Variants in ERBB4 observed in about 807,000 individuals in gnomAD.
ERBB4 encodes receptor tyrosine-protein kinase erbB-4.
ERBB4 carries 42 observed loss-of-function variants against 158.0 expected under a neutral mutation model. The ratio of observed to expected loss-of-function variants is 0.27; its 90% CI spans 0.21 to 0.34. The LOEUF (loss-of-function observed/expected upper bound fraction) is 0.34. Among genes scored for constraint, ERBB4 ranks in the 10% least tolerant of loss-of-function variants. ERBB4 has a pLI of 1.00. For synonymous variants in ERBB4, 583 were observed against 558.7 expected (o/e 1.04, Z -0.61); for missense variants, 1,333 against 1,624.1 (o/e 0.82, Z 3.08).
chr2:212,264,036 T>C (rs1017799378), intron 1 of ERBB4, among the ~76,000 whole-genome samples: 4 of 152,136 alleles, frequency 2.6e-5, no homozygotes, highest in African/African-American at 9.7e-5. Context: ...CCTGGAATAG[T>C]GCTGGAAATC....
At chr2:211,514,267 G>A (rs978462862) in intron 20 of ERBB4, among the ~76,000 whole-genome samples, 1 of 152,056 alleles carries the variant, frequency 6.6e-6, no homozygotes, top group African/African-American at 2.4e-5. Flanking sequence ...TTCTAAATAT[G>A]AAACCTATCT....
intron 3 of ERBB4, among the ~76,000 whole-genome samples, chr2:211,934,828 G>A (rs2165098): frequency 0.54 from 81,153 of 150,212 alleles, 22,635 homozygotes; most frequent in Non-Finnish European, 0.62. Flanking sequence ...ACTTTTCAAT[G>A]TAAGAAATAA....
chr2:212,030,476 T>A (rs1298084793), intron 2 of ERBB4, among the ~76,000 whole-genome samples: 1 of 152,154 alleles, frequency 6.6e-6, no homozygotes, highest in Non-Finnish European at 1.5e-5. Context: ...AGAGACAATG[T>A]TGTCTTAGTT....
chr2:212,301,859 T>C (rs2086636414), intron 1 of ERBB4, among the ~76,000 whole-genome samples: 1 of 151,332 alleles, frequency 6.6e-6, no homozygotes, highest in African/African-American at 2.4e-5. Flanking sequence ...TAACATCACA[T>C]CTTATTTTTT....
chr2:211,383,602 A>C lies in ERBB4; in HGVS notation c.*13T>G. ...GCAGGTGTGTCTCTCCACCTAAAAA[A>C]CCACAACTGAGCTTACACCACAGTA... On this transcript the variant is annotated 3_prime_UTR_variant, in exon 28 of 28. Transcript: ENST00000342788. The C allele has an allele frequency of 1.9e-6, 3 of 1,611,234 alleles. No individual in the cohort carries two copies. Among genetic ancestry groups the C allele is most frequent in the Non-Finnish European group, 2.5e-6 (3 of 1,179,000 alleles).
intron 1 of ERBB4, among the ~76,000 whole-genome samples, chr2:212,195,414 T>C (rs2082396196): frequency 6.6e-6 from 1 of 152,058 alleles, no homozygotes; most frequent in Non-Finnish European, 1.5e-5. Context: ...GTGTATCACA[T>C]AACAAGTTAG....
chr2:212,326,608 T>C (rs1174991776), intron 1 of ERBB4, among the ~76,000 whole-genome samples: 2 of 150,760 alleles, frequency 1.3e-5, no homozygotes, highest in African/African-American at 2.4e-5. Context: ...TTAATTTCTA[T>C]AGAAATGCTA....
intron 19 of ERBB4, among the ~76,000 whole-genome samples, chr2:211,610,450 T>C (rs908409543): frequency 3.9e-5 from 6 of 152,168 alleles, no homozygotes; most frequent in African/African-American, 1.4e-4. Context: ...TGCTGATATT[T>C]TGGAAATTCT....
chr2:211,836,830 T>A (rs1476735851), intron 3 of ERBB4, among the ~76,000 whole-genome samples: 1 of 151,938 alleles, frequency 6.6e-6, no homozygotes, highest in African/African-American at 2.4e-5. Context: ...TAGAAAAGAT[T>A]ATATGAAATG....
rs533858632 is a variant in ERBB4 at position 212,058,527 on chromosome 2, T to C, written c.234+66225A>G. 5.9e-5 allele frequency among the ~76,000 whole-genome samples: 9 copies of C among 152,264 alleles called. No homozygotes were observed. In the South Asian group the frequency reaches 1.7e-3, roughly 28 times the overall value. On this transcript the variant is annotated intron_variant, in intron 2 of 27. Transcript: ENST00000342788. ...GACCAATATCCCTGATGAACATCAA[T>C]GCAAAAATCCTCAATAAAATACTGG... is the stretch of plus-strand genomic sequence containing the variant.
rs1321442297 is a variant in ERBB4 at position 211,383,314 on chromosome 2, T to G, written c.*301A>C. The G allele has an allele frequency of 3.1e-6, 1 of 320,912 alleles. No homozygotes were observed. The highest frequency in any genetic ancestry group is 5.8e-6 in the Non-Finnish European group (1 of 173,628). The allele number at this position is 320,912 out of a possible 1,614,324, so 19.9% of individuals were successfully genotyped here. A position where few individuals can be genotyped will look rare whatever the true frequency, so the allele number is the denominator to read the frequency against. On this transcript the variant is annotated 3_prime_UTR_variant, in exon 28 of 28. Transcript: ENST00000342788. Reference sequence around the variant, plus strand: ...AAAGAAAAAGAAAAAAAGTGACAGCTAGTTTGATAGTAGGCAGCATTGCCT... The same window carrying G: ...AAAGAAAAAGAAAAAAAGTGACAGCGAGTTTGATAGTAGGCAGCATTGCCT...
chr2:211,969,202 C>T (rs1253596939), intron 2 of ERBB4, among the ~76,000 whole-genome samples: 2 of 151,830 alleles, frequency 1.3e-5, no homozygotes, highest in Admixed American at 6.6e-5. Flanking sequence ...GTTAAGACAA[C>T]TGCAAATGAC....
intron 3 of ERBB4, among the ~76,000 whole-genome samples, chr2:211,848,375 T>C (rs763273218): frequency 6.6e-6 from 1 of 152,094 alleles, no homozygotes; most frequent in African/African-American, 2.4e-5. Flanking sequence ...CTTCTTTATA[T>C]GGAAATTGCA....
At chr2:212,393,947 A>C (rs578261554) in intron 1 of ERBB4, among the ~76,000 whole-genome samples, 1 of 152,260 alleles carries the variant, frequency 6.6e-6, no homozygotes, top group East Asian at 1.9e-4. Context: ...CTGTTAAGTA[A>C]GGCAACCTTG....
chr2:212,530,423 T>C (rs2106340543), intron 1 of ERBB4, among the ~76,000 whole-genome samples: 1 of 152,314 alleles, frequency 6.6e-6, no homozygotes, highest in Non-Finnish European at 1.5e-5. Context: ...TCTCACATTC[T>C]TTAAGCCTAC....
At chr2:211,956,029 AGT>A (rs3070122) in intron 2 of ERBB4, among the ~76,000 whole-genome samples, 6,881 of 146,280 alleles carry the variant, frequency 0.047, 162 homozygotes, top group African/African-American at 0.063. Context: ...TCATCTCTAA[AGT>A]GTGTGTGTGT....
At chr2:211,512,327 T>C (rs2065903125) in intron 20 of ERBB4, among the ~76,000 whole-genome samples, 1 of 152,090 alleles carries the variant, frequency 6.6e-6, no homozygotes, top group South Asian at 2.1e-4. Flanking sequence ...ATTGCACCAT[T>C]CTGGGAGACC....
intron 4 of ERBB4, among the ~76,000 whole-genome samples, chr2:211,767,984 G>A: frequency 6.6e-6 from 1 of 152,184 alleles, no homozygotes; most frequent in East Asian, 1.9e-4. Flanking sequence ...TCTGAGACAA[G>A]TACCTTCCAC....
chr2:211,581,115 G>A (rs1204326757), intron 19 of ERBB4, among the ~76,000 whole-genome samples: 1 of 150,624 alleles, frequency 6.6e-6, no homozygotes, highest in Admixed American at 6.7e-5. Flanking sequence ...GGGACTCAGG[G>A]GGAAAGGGTG....
Sources: gnomAD v4.1 joint callset for allele counts (sites outside exome capture counted in the v4.1 genomes callset) on GRCh38, gnomAD v4.1.1 for gene constraint, MANE v1.5 for transcripts, NCBI Gene and HGNC (gene_info 2026-07-23, HGNC 2026-07-21) for gene names.